Variants in BRAP observed in about 807,000 individuals in gnomAD.
BRAP encodes BRCA1-associated protein.
A neutral mutation model predicts 73.4 loss-of-function variants in BRAP; 42 were observed. The ratio of observed to expected loss-of-function variants is 0.57; its 90% CI spans 0.45 to 0.74. The LOEUF is 0.74. BRAP is among the 30% of genes least tolerant of loss of function. BRAP has a pLI of 0.00. For missense variants in BRAP, 593 were observed against 751.4 expected, an observed-to-expected ratio of 0.79 and a Z score of 2.46; for synonymous variants, 255 against 267.4, an observed-to-expected ratio of 0.95 and a Z score of 0.45.
At position 111,671,795 on chromosome 12, in the gene BRAP, C is replaced by T. The variant is rs932095321; in HGVS notation, c.747+866G>A. ...GACCTCCCCCGACTCAGGTGATCTT[C>T]CTGCTTCAGGGTCCTGAGTAGCTGG... is the stretch of plus-strand genomic sequence containing the variant. On this transcript the variant is annotated intron_variant, in intron 5 of 11. Coordinates refer to ENST00000419234, the MANE Select transcript of BRAP (RefSeq NM_006768.5). Among the ~76,000 whole-genome samples, 5 of 149,920 alleles carry T rather than the reference C, an allele frequency of 3.3e-5. No individual in the cohort carries two copies. In the Admixed American group the frequency reaches 3.4e-4, roughly 10 times the overall value.
chr12:111,663,163 C>T (rs1299473416), intron 6 of BRAP, among the ~76,000 whole-genome samples: 1 of 152,012 alleles, frequency 6.6e-6, no homozygotes, highest in East Asian at 1.9e-4. Flanking sequence ...AAATAATCAA[C>T]AGTTTATCGG....
intron 4 of BRAP, among the ~76,000 whole-genome samples, chr12:111,675,241 G>A (rs1219356872): frequency 6.6e-6 from 1 of 151,778 alleles, no homozygotes; most frequent in East Asian, 1.9e-4. Flanking sequence ...AGCCTGTGCA[G>A]CAGAGTGAGA....
chr12:111,654,826 T>C (rs576397322), intron 10 of BRAP, among the ~76,000 whole-genome samples: 1 of 152,230 alleles, frequency 6.6e-6, no homozygotes, highest in Non-Finnish European at 1.5e-5. Context: ...CATTGAGAAA[T>C]TTTACAAGAT....
intron 11 of BRAP, among the ~76,000 whole-genome samples, chr12:111,647,821 G>A (rs572450535): frequency 1.2e-4 from 18 of 150,504 alleles, no homozygotes; most frequent in Non-Finnish European, 1.8e-4. Context: ...CTTGAACCCC[G>A]GAGGCAGATG....
At position 111,658,615 on chromosome 12, in the gene BRAP, C is replaced by T. The variant is rs373266026; in HGVS notation, c.1221+121G>A. 2.1e-4 allele frequency: 151 copies of T among 733,692 alleles called. No homozygotes were observed. In the Admixed American group the frequency reaches 2.1e-3, roughly 10 times the overall value. 45.4% of individuals were successfully genotyped at this position (733,692 alleles called of 1,614,324 possible). On this transcript the variant is annotated intron_variant, in intron 9 of 11. Transcript: ENST00000419234. ...TTGGGATTACAGGCATAAGCCACTGCGCCCGGCCATGACCAAACTTTAAAA... is the reference window on the plus strand; with the variant it reads ...TTGGGATTACAGGCATAAGCCACTGTGCCCGGCCATGACCAAACTTTAAAA...
At chr12:111,661,689 T>A (rs1281274569) in intron 6 of BRAP, among the ~76,000 whole-genome samples, 1 of 151,498 alleles carries the variant, frequency 6.6e-6, no homozygotes, top group Non-Finnish European at 1.5e-5. Context: ...GAATTGGATT[T>A]AAAATCTGTA....
chr12:111,662,662 G>C (rs1886799438), intron 6 of BRAP, among the ~76,000 whole-genome samples: 2 of 152,114 alleles, frequency 1.3e-5, no homozygotes, highest in South Asian at 4.1e-4. Flanking sequence ...ATCTGTGTAA[G>C]AGAAAGGAAA....
chr12:111,667,331 A>C (rs934012758), intron 5 of BRAP, among the ~76,000 whole-genome samples: 1 of 152,126 alleles, frequency 6.6e-6, no homozygotes, highest in Non-Finnish European at 1.5e-5. Flanking sequence ...ATATTGTAGG[A>C]GTTTTCAAGG....
At chr12:111,656,890 C>A (rs1279006215) in intron 9 of BRAP, among the ~76,000 whole-genome samples, 1 of 152,036 alleles carries the variant, frequency 6.6e-6, no homozygotes, top group African/African-American at 2.4e-5. Context: ...CATGCCACCA[C>A]ACCTGGATAA....
In BRAP at chr12:111,683,208, T is replaced by C. The variant is rs1887670181; in HGVS notation, c.182A>G (p.His61Arg). Residue 61 changes from histidine to arginine, a missense_variant, in exon 2 of 12, where the codon CAT becomes CGT. Transcript: ENST00000419234. Reference protein sequence around the residue: ...KSPGEKVAIIHQHLGRREMTD... With the variant: ...KSPGEKVAIIRQHLGRREMTD... ...CATTTCTCGACGGCCGAGATGCTGA[T>C]GGATAATCGCTACTTTCTCTCCTGG... The C allele has an allele frequency of 5.0e-6, 8 of 1,614,068 alleles. No homozygotes were observed. The highest frequency in any genetic ancestry group is 6.8e-6 in the Non-Finnish European group (8 of 1,180,038).
rs1307490694 is a variant in BRAP, at chr12:111,642,928, T to G, written c.*1271A>C. The G allele has an allele frequency of 6.6e-6, 1 of 152,228 alleles. No individual in the cohort carries two copies. The highest frequency in any genetic ancestry group is 1.5e-5 in the Non-Finnish European group (1 of 68,036). The allele number at this position is 152,228 out of a possible 1,614,324, so 9.4% of individuals were successfully genotyped here. ...AAGGGGATGAGGCCTAATTACAGGC[T>G]AAAAACCTATTCTGAAATGTGATCA... On this transcript the variant is annotated 3_prime_UTR_variant, in exon 12 of 12. Coordinates refer to ENST00000419234, the MANE Select transcript of BRAP (RefSeq NM_006768.5).
intron 2 of BRAP, 50 bp downstream of exon 2, chr12:111,683,096 C>T: frequency 6.4e-7 from 1 of 1,564,196 alleles, no homozygotes; most frequent in South Asian, 1.2e-5. Context: ...ATAAAATAGG[C>T]AACCAGTGTT....
intron 11 of BRAP, among the ~76,000 whole-genome samples, chr12:111,648,522 G>C (rs1401105055): frequency 7.0e-6 from 1 of 143,884 alleles, no homozygotes; most frequent in African/African-American, 2.6e-5. Context: ...TGAGGCAGGA[G>C]AATCACTTGA....
At position 111,685,934 on chromosome 12, in the gene BRAP, A is replaced by T; in HGVS notation, c.-142T>A. On this transcript the variant is annotated 5_prime_UTR_variant, in exon 1 of 12. Coordinates refer to ENST00000419234, the MANE Select transcript of BRAP (RefSeq NM_006768.5). ...CGCCTCAGCAGCAGCAGCTCCTCGA[A>T]CAGCCCTCGGAGCCACAACAACCTC... 1 of 459,932 alleles carries T rather than the reference A, an allele frequency of 2.2e-6. No individual in the cohort carries two copies. The highest frequency in any genetic ancestry group is 3.6e-6 in the Non-Finnish European group (1 of 275,728). 28.5% of individuals were successfully genotyped at this position (459,932 alleles called of 1,614,324 possible). A position where few individuals can be genotyped will look rare whatever the true frequency, so the allele number is the denominator to read the frequency against.
At chr12:111,653,342 G>A (rs1202052325) in intron 10 of BRAP, among the ~76,000 whole-genome samples, 1 of 152,180 alleles carries the variant, frequency 6.6e-6, no homozygotes, top group African/African-American at 2.4e-5. Flanking sequence ...TAATAAAAAT[G>A]CTAGTTGTGG....
chr12:111,684,239 C>A (rs1308685598), intron 1 of BRAP, among the ~76,000 whole-genome samples: 2 of 152,180 alleles, frequency 1.3e-5, no homozygotes, highest in Admixed American at 1.3e-4. Context: ...AGAGGAAGCC[C>A]TCTAAATGTT....
Position 111,655,552 on chromosome 12 carries a change from C to T in BRAP, c.1311+14G>A, listed in dbSNP as rs777482247. The T allele has an allele frequency of 6.2e-7, 1 of 1,604,816 alleles. No individual in the cohort carries two copies. The highest frequency in any genetic ancestry group is 8.5e-7 in the Non-Finnish European group (1 of 1,171,586). ...TGTGTCATTTCCGCAGTCACCCAAACCAAACAGACTTACTTCCTCTGCTGT... is the reference window on the plus strand; with the variant it reads ...TGTGTCATTTCCGCAGTCACCCAAATCAAACAGACTTACTTCCTCTGCTGT... On this transcript the variant is annotated intron_variant, in intron 10 of 11. Transcript: ENST00000419234.
intron 1 of BRAP, among the ~76,000 whole-genome samples, chr12:111,683,574 T>C (rs1446952086): frequency 6.6e-6 from 1 of 152,186 alleles, no homozygotes; most frequent in Non-Finnish European, 1.5e-5. Context: ...AGAGTCTCAC[T>C]CTGTCACCCA....
intron 11 of BRAP, 137 bp downstream of exon 11, chr12:111,649,802 G>C: frequency 3.5e-6 from 2 of 571,502 alleles, no homozygotes; most frequent in Non-Finnish European, 6.0e-6. Context: ...TAATAAACGA[G>C]AAGCCTGTTC....
Sources: gnomAD v4.1 joint callset for allele counts (sites outside exome capture counted in the v4.1 genomes callset) on GRCh38, gnomAD v4.1.1 for gene constraint, MANE v1.5 for transcripts, NCBI Gene and HGNC (gene_info 2026-07-23, HGNC 2026-07-21) for gene names.